Variants in KANK4 observed in about 807,000 individuals in gnomAD.
KANK4 encodes KN motif and ankyrin repeat domains 4, also known as KN motif and ankyrin repeat domain-containing protein 4.
A neutral mutation model predicts 80.8 loss-of-function variants in KANK4; 50 were observed. That is an observed-to-expected ratio of 0.62 (90% confidence interval 0.49 to 0.78). The LOEUF (loss-of-function observed/expected upper bound fraction) is 0.78. KANK4 is among the 30% of genes least tolerant of loss of function. The pLI, the probability that KANK4 is intolerant of heterozygous loss-of-function variation, is 0.00. For synonymous variants in KANK4, 465 were observed against 506.9 expected, an observed-to-expected ratio of 0.92 and a Z score of 1.11; for missense variants, 1,196 against 1,240.1, an observed-to-expected ratio of 0.96 and a Z score of 0.53.
rs1431962449 is a variant in KANK4 at position 62,274,060 on chromosome 1, C to T, written c.1044G>A (p.Gln348=). The T allele has an allele frequency of 6.2e-7, 1 of 1,614,084 alleles. No individual in the cohort carries two copies. Among genetic ancestry groups the T allele is most frequent in the Non-Finnish European group, 8.5e-7 (1 of 1,180,050 alleles). Residue 348 remains glutamine, a synonymous_variant, in exon 3 of 10, where the codon CAG becomes CAA. Coordinates refer to ENST00000371153, the MANE Select transcript of KANK4 (RefSeq NM_181712.5). ...ACAACTCTCCCTCCAGGGCCGAGAC[C>T]TGCTGTTTCAGGCTGGAGATGCTGC... is the stretch of plus-strand genomic sequence containing the variant. The part of the protein sequence containing the change: ...DPGSISSLKQ[Q]VSALEGELSG...
At position 62,247,661 on chromosome 1, in the gene KANK4, A is replaced by C. The variant is rs191987743; in HGVS notation, c.2694T>G (p.Thr898=). The C allele has an allele frequency of 1.2e-6, 2 of 1,613,642 alleles. No individual in the cohort carries two copies. The highest frequency in any genetic ancestry group is 1.7e-6 in the Non-Finnish European group (2 of 1,180,026). ...VNIQATQGGQ[T]ALMLGVSHDR... is the part of the protein sequence containing the mutation. The stretch of plus-strand genomic sequence containing the variant: ...CGTGGCTGACTCCCAGCATCAGCGC[A>C]GTCTGGCCTCCCTGCATGCAGAGCC... The change falls in exon 9 of 10, where the codon ACT becomes ACG. Residue 898 remains threonine, a synonymous_variant. Transcript: ENST00000371153.
At chr1:62,271,711 G>A in intron 3 of KANK4, 122 bp from the exon 4 acceptor site, 2 of 683,256 alleles carry the variant, frequency 2.9e-6, no homozygotes, top group Non-Finnish European at 5.3e-6. Context: ...GGAGGGACAG[G>A]GAACCAGATC....
rs1402476612 is a variant in KANK4 at position 62,238,218 on chromosome 1, CGAGG to C, written c.*55_*58del. On this transcript the variant is annotated 3_prime_UTR_variant, in exon 10 of 10. Coordinates refer to ENST00000371153, the MANE Select transcript of KANK4 (RefSeq NM_181712.5). Reference sequence around the variant, plus strand: ...CTGTGACCTCTGCCCTCTTCAAGGGCGAGGGAGGAGTCCAGAGAAGAAGGCTTTT... The same window carrying C: ...CTGTGACCTCTGCCCTCTTCAAGGGCGAGGAGTCCAGAGAAGAAGGCTTTT... 10 of 1,292,446 alleles carry C rather than the reference CGAGG, an allele frequency of 7.7e-6. No individual in the cohort carries two copies. The highest frequency in any genetic ancestry group is 1.1e-5 in the Non-Finnish European group (10 of 896,222). 80.1% of individuals were successfully genotyped at this position (1,292,446 alleles called of 1,614,324 possible). A position where few individuals can be genotyped will look rare whatever the true frequency, so the allele number is the denominator to read the frequency against.
chr1:62,266,066 C>A (rs1243692295), intron 6 of KANK4, among the ~76,000 whole-genome samples: 1 of 152,216 alleles, frequency 6.6e-6, no homozygotes, highest in Non-Finnish European at 1.5e-5. Flanking sequence ...TTTTCACACT[C>A]TGTCCACAGT....
At chr1:62,295,649 C>T (rs1057338945) in intron 1 of KANK4, among the ~76,000 whole-genome samples, 6 of 152,246 alleles carry the variant, frequency 3.9e-5, no homozygotes, top group Non-Finnish European at 8.8e-5. Flanking sequence ...GACCTGCCCA[C>T]CTCATACAGC....
intron 7 of KANK4, among the ~76,000 whole-genome samples, chr1:62,255,927 G>C (rs1049813176): frequency 1.4e-4 from 22 of 152,172 alleles, no homozygotes; most frequent in Admixed American, 9.8e-4. Flanking sequence ...TAAGATTACA[G>C]GCCCGAGTCA....
At chr1:62,251,309 C>A (rs1671611371) in intron 8 of KANK4, among the ~76,000 whole-genome samples, 1 of 152,138 alleles carries the variant, frequency 6.6e-6, no homozygotes, top group East Asian at 1.9e-4. Context: ...GTCTCGGGCA[C>A]AGAAGTCTCA....
chr1:62,271,200 C>T (rs2149139933), intron 4 of KANK4, among the ~76,000 whole-genome samples: 2 of 152,234 alleles, frequency 1.3e-5, no homozygotes, highest in Middle Eastern at 6.8e-3. Flanking sequence ...CCTCTAAGGG[C>T]CCGTATACCC....
At chr1:62,260,182 G>A (rs917227378) in intron 7 of KANK4, among the ~76,000 whole-genome samples, 7 of 151,898 alleles carry the variant, frequency 4.6e-5, no homozygotes, top group African/African-American at 1.7e-4. Flanking sequence ...GTCTTGCTTC[G>A]GCTGCCCTCA....
At chr1:62,278,332 C>T (rs753190371) in intron 2 of KANK4, among the ~76,000 whole-genome samples, 168 of 8,978 alleles carry the variant, frequency 0.019, 2 homozygotes, top group African/African-American at 0.069. Context: ...TTCCTTCCTT[C>T]CTTCCTTCCT....
chr1:62,301,155 T>G (rs917007042), intron 1 of KANK4, among the ~76,000 whole-genome samples: 9 of 152,004 alleles, frequency 5.9e-5, no homozygotes, highest in Non-Finnish European at 1.0e-4. Context: ...AGGCTCCAGG[T>G]AAGCAGAACA....
At chr1:62,277,751 TAA>T (rs1321945727) in intron 2 of KANK4, among the ~76,000 whole-genome samples, 1 of 152,072 alleles carries the variant, frequency 6.6e-6, no homozygotes, top group Non-Finnish European at 1.5e-5. Flanking sequence ...CATGCATGAG[TAA>T]AAAAGTCTTC....
At chr1:62,241,004 T>C (rs1229214703) in intron 9 of KANK4, among the ~76,000 whole-genome samples, 2 of 152,162 alleles carry the variant, frequency 1.3e-5, no homozygotes, top group Non-Finnish European at 2.9e-5. Flanking sequence ...TGTGAATATT[T>C]TGACATTTTG....
chr1:62,279,642 G>A (rs1273645046), intron 2 of KANK4, among the ~76,000 whole-genome samples: 2 of 152,186 alleles, frequency 1.3e-5, no homozygotes, highest in Non-Finnish European at 2.9e-5. Context: ...TTACAGAATT[G>A]TTGTCATTAT....
intron 1 of KANK4, among the ~76,000 whole-genome samples, chr1:62,313,917 T>TACTC (rs1644518448): frequency 6.6e-6 from 1 of 152,194 alleles, no homozygotes; most frequent in Admixed American, 6.5e-5. Flanking sequence ...TCCCCATTCA[T>TACTC]ACTCAACGTC....
chr1:62,314,465 C>A (rs1644523304), intron 1 of KANK4, among the ~76,000 whole-genome samples: 1 of 152,090 alleles, frequency 6.6e-6, no homozygotes, highest in African/African-American at 2.4e-5. Context: ...ACATCCAAAT[C>A]GATGGCACCG....
intron 4 of KANK4, among the ~76,000 whole-genome samples, chr1:62,268,712 G>C (rs1367746779): frequency 6.6e-6 from 1 of 152,300 alleles, no homozygotes; most frequent in East Asian, 1.9e-4. Context: ...CTGGTGCAGA[G>C]AGGCTATTTG....
intron 2 of KANK4, among the ~76,000 whole-genome samples, chr1:62,278,071 A>G (rs1672350959): frequency 6.6e-6 from 1 of 152,208 alleles, no homozygotes; most frequent in Non-Finnish European, 1.5e-5. Context: ...TATGCACGCG[A>G]ACAAGCTTTG....
chr1:62,268,082 G>A (rs560168772), intron 5 of KANK4, among the ~76,000 whole-genome samples: 49 of 152,248 alleles, frequency 3.2e-4, no homozygotes, highest in Admixed American at 5.9e-4. Flanking sequence ...GGTAGATATC[G>A]GCTGTGACAG....
Sources: allele counts gnomAD v4.1 joint callset (sites outside exome capture counted in the v4.1 genomes callset), GRCh38; gene constraint gnomAD v4.1.1; transcripts MANE v1.5; gene names NCBI Gene and HGNC (gene_info 2026-07-23, HGNC 2026-07-21).